The following PRKAG3 variants were observed in gnomAD, a reference collection of about 807,000 sequenced individuals.
The protein encoded by PRKAG3 is protein kinase AMP-activated non-catalytic subunit gamma 3.
Under a neutral mutation model 56.5 loss-of-function variants are expected in PRKAG3, and 39 were observed. That is an observed-to-expected ratio of 0.69 (90% CI 0.53 to 0.90). The LOEUF (loss-of-function observed/expected upper bound fraction) is 0.90, where lower values mean the gene tolerates loss of function less well. Among genes scored for constraint, PRKAG3 ranks in the 40% least tolerant of loss-of-function variants. The probability of loss-of-function intolerance (pLI) is 0.00; values close to 1 mark genes in which losing one functional copy is unlikely to be tolerated. For synonymous variants in PRKAG3, 243 were observed against 250.1 expected (o/e 0.97, Z 0.27); for missense variants, 628 against 627.5 (o/e 1.00, Z -0.01).
At chr2:218,823,454 C>T (rs549209876) in exon 13 of PRKAG3, 3 of 420,410 alleles carry the variant, frequency 7.1e-6, no homozygotes, top group South Asian at 6.3e-5. Context: ...TTGTCCCTCC[C>T]TTCTAGGACA....
rs1334211799 is a variant in PRKAG3, at chr2:218,830,730, C to A, written c.229+16G>T. The A allele has an allele frequency of 6.2e-7, 1 of 1,611,050 alleles. No individual in the cohort carries two copies. Among genetic ancestry groups the A allele is most frequent in the Admixed American group, 1.7e-5 (1 of 59,972 alleles). ...TCCCCTGGCTCCCACCTCCCCAGAA[C>A]TGGCCTTGGCCTCACCTTCCCCCTG... On this transcript the variant is annotated intron_variant, in intron 3 of 12. Transcript: ENST00000529249.
Position 218,827,497 on chromosome 2 carries a change from G to T in PRKAG3, c.875+78C>A. The T allele has an allele frequency of 6.2e-7, 1 of 1,601,154 alleles. No homozygotes were observed. Among genetic ancestry groups the T allele is most frequent in the Non-Finnish European group, 8.6e-7 (1 of 1,168,544 alleles). On this transcript the variant is annotated intron_variant, in intron 8 of 12. Coordinates refer to ENST00000529249, the Ensembl canonical transcript of PRKAG3. This position sits in a 1 kb window ranked among gnomAD's most constrained non-coding sequence, Gnocchi z 5.3. The stretch of plus-strand genomic sequence containing the variant: ...TCTGTGTGCCGCCTAGGATGAAGAG[G>T]TGAGTTCAGAGCTGAGTGGGACTGG...
chr2:218,831,320 G>T lies in PRKAG3; in HGVS notation c.73+16C>A. 6.3e-7 allele frequency: 1 copy of T among 1,579,002 alleles called. No individual in the cohort carries two copies. Among genetic ancestry groups the T allele is most frequent in the African/African-American group, 1.3e-5 (1 of 74,082 alleles). ...GGGGAAGAGGTTAGGCCCCAGGGAG[G>T]GGGCATTCTCCCTACCTTGATGCTC... On this transcript the variant is annotated intron_variant, in intron 2 of 12. Transcript: ENST00000529249.
At position 218,829,195 on chromosome 2, in the gene PRKAG3, A is replaced by G. The variant is rs1216893282; in HGVS notation, c.634-595T>C. Among the ~76,000 whole-genome samples, 7 of 152,228 alleles carry G rather than the reference A, an allele frequency of 4.6e-5. No homozygotes were observed. In the East Asian group the frequency reaches 1.3e-3, roughly 29 times the overall value. The stretch of plus-strand genomic sequence containing the variant: ...CGTGTTTTGGGAAACACTGCACTGC[A>G]TAACAATGATAAGAATAAGATTATA... On this transcript the variant is annotated intron_variant, in intron 4 of 12. Coordinates refer to ENST00000529249, the Ensembl canonical transcript of PRKAG3.
exon 12 of PRKAG3, chr2:218,824,255 C>T (rs754011171): frequency 1.9e-6 from 3 of 1,614,054 alleles, no homozygotes; most frequent in South Asian, 2.2e-5. Flanking sequence ...TCACTTCCCC[C>T]AAGCTCTCGT....
chr2:218,829,794 C>T (rs941212282), intron 4 of PRKAG3, among the ~76,000 whole-genome samples, 184 bp downstream of exon 4: 2 of 152,322 alleles, frequency 1.3e-5, no homozygotes, highest in South Asian at 2.1e-4. Flanking sequence ...ATGACAATTA[C>T]GTGTGCTAAC....
At chr2:218,824,699 G>A in intron 10 of PRKAG3, 123 bp from the exon 11 acceptor site, 1 of 877,688 alleles carries the variant, frequency 1.1e-6, no homozygotes, top group Non-Finnish European at 1.9e-6. Flanking sequence ...AGAACCCAAG[G>A]ATCAAACTTA....
chr2:218,827,516 G>A lies in PRKAG3; in HGVS notation c.875+59C>T. On this transcript the variant is annotated intron_variant, in intron 8 of 12. Coordinates refer to ENST00000529249, the Ensembl canonical transcript of PRKAG3. This position sits in a 1 kb window ranked among gnomAD's most constrained non-coding sequence, Gnocchi z 5.3. ...GAAGAGGTGAGTTCAGAGCTGAGTG[G>A]GACTGGGGAAGGGGACTGTGGGAGG... is the stretch of plus-strand genomic sequence containing the variant. 2 of 1,601,322 alleles carry A rather than the reference G, an allele frequency of 1.2e-6. No individual in the cohort carries two copies.
At chr2:218,824,546 T>A (rs1461146395) in exon 11 of PRKAG3, 1 of 1,612,534 alleles carries the variant, frequency 6.2e-7, no homozygotes, top group South Asian at 1.1e-5. Context: ...TACAATCACA[T>A]CAAAGCGGGA....
chr2:218,830,349 C>T (rs551943227), exon 4 of PRKAG3: 34 of 1,608,868 alleles, frequency 2.1e-5, no homozygotes, highest in African/African-American at 6.7e-5. Flanking sequence ...GCCTCCAGCC[C>T]GGTGGACTCA....
exon 5 of PRKAG3, chr2:218,828,577 C>T: frequency 1.2e-6 from 2 of 1,613,704 alleles, no homozygotes; most frequent in Non-Finnish European, 1.7e-6. Flanking sequence ...CGTTGGCCAC[C>T]AGAGCAAAGA....
intron 5 of PRKAG3, 145 bp downstream of exon 5, chr2:218,828,374 G>A (rs563798928): frequency 3.0e-4 from 264 of 884,122 alleles, no homozygotes; most frequent in Non-Finnish European, 3.5e-4. Context: ...TGCAGACTCC[G>A]GATGGACTTT....
intron 11 of PRKAG3, 47 bp from the exon 12 acceptor site, chr2:218,824,415 G>C: frequency 6.2e-7 from 1 of 1,613,778 alleles, no homozygotes; most frequent in Non-Finnish European, 8.5e-7. Flanking sequence ...CCTTGCCTGG[G>C]CTCCTACCCT....
intron 2 of PRKAG3, 137 bp downstream of exon 2, chr2:218,831,199 G>A (rs1944013914): frequency 6.7e-6 from 5 of 742,620 alleles, no homozygotes; most frequent in Middle Eastern, 2.5e-4. Flanking sequence ...CTGGGGAAAG[G>A]AGGAAGAACA....
intron 3 of PRKAG3, 108 bp downstream of exon 3, chr2:218,830,638 G>C: frequency 7.2e-7 from 1 of 1,379,636 alleles, no homozygotes; most frequent in Non-Finnish European, 9.9e-7. Flanking sequence ...TGAAGGTTGG[G>C]TCCAACTCTG....
intron 2 of PRKAG3, 89 bp from the exon 3 acceptor site, chr2:218,830,990 GC>G: frequency 7.0e-7 from 1 of 1,433,920 alleles, no homozygotes; most frequent in Non-Finnish European, 9.8e-7. Context: ...GGATTTGCAA[GC>G]TTCCAATGGG....
intron 1 of PRKAG3, 32 bp downstream of exon 1, chr2:218,831,706 C>T (rs1944022438): frequency 1.2e-6 from 2 of 1,604,458 alleles, no homozygotes; most frequent in Non-Finnish European, 8.5e-7. Flanking sequence ...GCCTCAGCTG[C>T]CCCGGCTCCG....
intron 12 of PRKAG3, 130 bp downstream of exon 12, chr2:218,824,092 T>G (rs1037019052): frequency 2.1e-6 from 3 of 1,451,274 alleles, no homozygotes; most frequent in Non-Finnish European, 2.9e-6. Flanking sequence ...TGCAGGCCAG[T>G]GTGGGCACCA....
At position 218,828,614 on chromosome 2, in the gene PRKAG3, G is replaced by A. The variant is rs373355910; in HGVS notation, c.634-14C>T. The stretch of plus-strand genomic sequence containing the variant: ...GGCCTTCTTGATCTGAGGGGCCAGG[G>A]AGAACAGTCAAGGGTGGGTCCCGAG... On this transcript the variant is annotated splice_polypyrimidine_tract_variant and intron_variant, in intron 4 of 12. Coordinates refer to ENST00000529249, the Ensembl canonical transcript of PRKAG3. 2.0e-5 allele frequency: 33 copies of A among 1,610,772 alleles called. No homozygotes were observed. The highest frequency in any genetic ancestry group is 1.5e-4 in the African/African-American group (11 of 74,852).
Sources: gnomAD v4.1 joint callset for allele counts (sites outside exome capture counted in the v4.1 genomes callset) on GRCh38, gnomAD v4.1.1 for gene constraint, Gnocchi (gnomAD v3.1) non-coding constraint, MANE v1.5 for transcripts, NCBI Gene and HGNC (gene_info 2026-07-23, HGNC 2026-07-21) for gene names.